The following PCCB variants were observed in gnomAD, a reference collection of about 807,000 sequenced individuals.
PCCB encodes the protein propionyl-CoA carboxylase subunit beta.
In PCCB, 43 loss-of-function variants were observed where a neutral mutation model predicts 60.7. The observed-to-expected ratio is 0.71, with a 90% CI of 0.55 to 0.91. The LOEUF (loss-of-function observed/expected upper bound fraction) is 0.91, where lower values mean the gene tolerates loss of function less well. PCCB is among the 40% of genes least tolerant of loss of function. PCCB has a pLI of 0.00. For synonymous variants in PCCB, 276 were observed against 255.9 expected, an observed-to-expected ratio of 1.08 and a Z score of -0.75; for missense variants, 766 against 702.8, an observed-to-expected ratio of 1.09 and a Z score of -1.02.
chr3:136,307,000 G>T (rs1934468920), intron 9 of PCCB, among the ~76,000 whole-genome samples: 3 of 122,634 alleles, frequency 2.4e-5, no homozygotes, highest in African/African-American at 7.5e-5. Flanking sequence ...GAAATCAAAT[G>T]ACTTACAAGG....
At position 136,299,858 on chromosome 3, in the gene PCCB, ATGTATGTATATGCATGCATG is replaced by A. The variant is rs1313093315; in HGVS notation, c.885-1163_885-1144del. Reference sequence around the variant, plus strand: ...TGCATGTGTATGTATATGCATGCATATGTATGTATATGCATGCATGTGTATGTACGTATATGCGTACATAT... The same window carrying A: ...TGCATGTGTATGTATATGCATGCATATGTATGTACGTATATGCGTACATAT... On this transcript the variant is annotated intron_variant, in intron 8 of 14. Transcript: ENST00000251654. 1.2e-3 allele frequency among the ~76,000 whole-genome samples: 183 copies of A among 148,432 alleles called. 3 individuals are homozygous for A. Among genetic ancestry groups the A allele is most frequent in the East Asian group, 4.3e-3 (20 of 4,614 alleles).
chr3:136,256,134 G>T, intron 2 of PCCB, 159 bp downstream of exon 2: 1 of 1,055,052 alleles, frequency 9.5e-7, no homozygotes, highest in Non-Finnish European at 1.4e-6. Context: ...GTAGAGATGG[G>T]CTTTCGCCAT....
At chr3:136,269,044 G>A (rs1942115788) in intron 5 of PCCB, among the ~76,000 whole-genome samples, 1 of 152,124 alleles carries the variant, frequency 6.6e-6, no homozygotes, top group Non-Finnish European at 1.5e-5. Flanking sequence ...ACTTGGGGAG[G>A]CCAAGGCAGG....
chr3:136,307,032 C>A (rs1934470262), intron 9 of PCCB, among the ~76,000 whole-genome samples: 1 of 122,502 alleles, frequency 8.2e-6, no homozygotes, highest in African/African-American at 2.5e-5. Flanking sequence ...AAATGGCATC[C>A]AACTTCTCCA....
intron 10 of PCCB, among the ~76,000 whole-genome samples, chr3:136,325,516 C>A (rs1935273687): frequency 6.6e-6 from 1 of 151,686 alleles, no homozygotes; most frequent in South Asian, 2.1e-4. Context: ...GCAACCACGC[C>A]TGGCTAATTT....
chr3:136,264,011 C>CAA (rs3884120), intron 5 of PCCB, among the ~76,000 whole-genome samples: 7 of 107,486 alleles, frequency 6.5e-5, no homozygotes, highest in African/African-American at 8.9e-5. Flanking sequence ...GACTCTGTCT[C>CAA]AAAAAAAAAA....
intron 5 of PCCB, among the ~76,000 whole-genome samples, chr3:136,269,322 C>T (rs1942123994): frequency 6.6e-6 from 1 of 152,064 alleles, no homozygotes; most frequent in Admixed American, 6.6e-5. Context: ...TTGTTAATTT[C>T]CTATTTGGAT....
At chr3:136,300,033 T>C (rs1473332888) in intron 8 of PCCB, among the ~76,000 whole-genome samples, 4 of 151,516 alleles carry the variant, frequency 2.6e-5, no homozygotes, top group Admixed American at 6.5e-5. Context: ...CGCCCACACA[T>C]GCATATATGC....
chr3:136,288,414 C>A (rs1435427608), intron 6 of PCCB, among the ~76,000 whole-genome samples: 1 of 144,854 alleles, frequency 6.9e-6, no homozygotes, highest in African/African-American at 2.6e-5. Context: ...GGTGTGATCT[C>A]AGCTCACTGC....
chr3:136,266,601 A>G (rs1474920663), intron 5 of PCCB, among the ~76,000 whole-genome samples: 5 of 152,204 alleles, frequency 3.3e-5, no homozygotes, highest in Non-Finnish European at 1.5e-5. Context: ...CTTTTTGACT[A>G]TAGCCATTTT....
chr3:136,316,427 G>A (rs1934897417), intron 9 of PCCB, among the ~76,000 whole-genome samples: 1 of 151,918 alleles, frequency 6.6e-6, no homozygotes. Flanking sequence ...CGATTCTCCT[G>A]CCTCAGTCTC....
At chr3:136,262,659 G>A (rs1413435233) in intron 5 of PCCB, among the ~76,000 whole-genome samples, 1 of 152,196 alleles carries the variant, frequency 6.6e-6, no homozygotes, top group African/African-American at 2.4e-5. Flanking sequence ...TACAGTAAGA[G>A]GCTGGGATGA....
intron 10 of PCCB, among the ~76,000 whole-genome samples, chr3:136,323,543 A>G (rs7633573): frequency 0.013 from 1,971 of 152,178 alleles, 33 homozygotes; most frequent in East Asian, 0.047. Context: ...CAGCACTTTG[A>G]GAGGCCAAGG....
At chr3:136,261,862 C>A in intron 4 of PCCB, 90 bp from the exon 5 acceptor site, 1 of 879,858 alleles carries the variant, frequency 1.1e-6, no homozygotes, top group South Asian at 1.4e-5. Flanking sequence ...GCACTCAGAA[C>A]GTTTTCCAGA....
chr3:136,269,695 C>T (rs1312331222), intron 5 of PCCB, among the ~76,000 whole-genome samples: 2 of 151,966 alleles, frequency 1.3e-5, no homozygotes, highest in Non-Finnish European at 2.9e-5. Context: ...ACCATCCTGG[C>T]TAACACGGTG....
chr3:136,311,202 C>T (rs543203773), intron 9 of PCCB, among the ~76,000 whole-genome samples: 1 of 152,180 alleles, frequency 6.6e-6, no homozygotes, highest in Non-Finnish European at 1.5e-5. Flanking sequence ...TAAAACAATA[C>T]TTGAGGAACA....
At chr3:136,287,394 AGTGTGTGT>A (rs1352883260) in intron 6 of PCCB, among the ~76,000 whole-genome samples, 1 of 149,166 alleles carries the variant, frequency 6.7e-6, no homozygotes, top group Non-Finnish European at 1.5e-5. Flanking sequence ...CTGTGTAGTA[AGTGTGTGT>A]GTGTGTTTTT....
intron 9 of PCCB, among the ~76,000 whole-genome samples, chr3:136,309,279 A>C (rs925881798): frequency 6.6e-6 from 1 of 151,466 alleles, no homozygotes; most frequent in Non-Finnish European, 1.5e-5. Context: ...AAAAAAAAAA[A>C]AGAAAAGAAA....
chr3:136,296,046 G>T (rs187855565), intron 7 of PCCB, among the ~76,000 whole-genome samples: 1 of 152,130 alleles, frequency 6.6e-6, no homozygotes, highest in Admixed American at 6.6e-5. Context: ...AAGGTGCTCC[G>T]TACATATATT....
Sources: gnomAD v4.1 joint callset for allele counts (sites outside exome capture counted in the v4.1 genomes callset) on GRCh38, gnomAD v4.1.1 for gene constraint, MANE v1.5 for transcripts, NCBI Gene and HGNC (gene_info 2026-07-23, HGNC 2026-07-21) for gene names.